The following TRPC1 variants were observed in gnomAD, a reference collection of about 807,000 sequenced individuals.
TRPC1 encodes short transient receptor potential channel 1.
Under a neutral mutation model 88.2 loss-of-function variants are expected in TRPC1, and 42 were observed. The observed-to-expected ratio is 0.48, with a 90% CI of 0.37 to 0.62. The LOEUF (loss-of-function observed/expected upper bound fraction) is 0.62, where lower values mean the gene tolerates loss of function less well. Ranked by LOEUF, TRPC1 falls within the 20% of genes least tolerant of loss-of-function variation. TRPC1 has a pLI of 0.00. For synonymous variants in TRPC1, 288 were observed against 331.8 expected (o/e 0.87, Z 1.43); for missense variants, 699 against 957.3 (o/e 0.73, Z 3.56).
At chr3:142,745,014 A>G (rs1211753145) in intron 3 of TRPC1, among the ~76,000 whole-genome samples, 2 of 152,192 alleles carry the variant, frequency 1.3e-5, no homozygotes, top group Admixed American at 6.5e-5. Context: ...TAAATTGCAT[A>G]CTTTGTTATA....
At chr3:142,763,959 A>AATAAATATATATATATAT (rs1935279602) in intron 4 of TRPC1, among the ~76,000 whole-genome samples, 1 of 76,316 alleles carries the variant, frequency 1.3e-5, no homozygotes, top group Non-Finnish European at 2.5e-5. Flanking sequence ...AAAAAAAAGA[A>AATAAATATATATATATAT]ATATATATAT....
chr3:142,775,595 G>C (rs1175419717), intron 4 of TRPC1, among the ~76,000 whole-genome samples: 3 of 152,032 alleles, frequency 2.0e-5, no homozygotes, highest in African/African-American at 7.3e-5. Context: ...CTCCAGCCTG[G>C]TTAACTGAAT....
chr3:142,780,376 T>A (rs1214521034), intron 5 of TRPC1, among the ~76,000 whole-genome samples: 1 of 152,166 alleles, frequency 6.6e-6, no homozygotes, highest in Non-Finnish European at 1.5e-5. Context: ...AGAAGTAACA[T>A]AAACATATTG....
intron 1 of TRPC1, among the ~76,000 whole-genome samples, chr3:142,726,427 T>C (rs1300168032): frequency 6.6e-6 from 1 of 152,200 alleles, no homozygotes; most frequent in East Asian, 1.9e-4. Context: ...AATACCTTGA[T>C]ATTCTTTGTC....
intron 2 of TRPC1, 61 bp downstream of exon 2, chr3:142,736,594 T>C: frequency 1.5e-6 from 2 of 1,353,374 alleles, no homozygotes; most frequent in Non-Finnish European, 9.8e-7. Context: ...TGCCATGCTT[T>C]CTTCCCTTCT....
Position 142,777,833 on chromosome 3 carries a change from A to G in TRPC1, c.764+70A>G, listed in dbSNP as rs571681742. 1.1e-3 allele frequency: 1,657 copies of G among 1,456,104 alleles called. 29 individuals are homozygous for G. The South Asian group carries it at 0.022, about 20-fold the overall frequency. 90.2% of individuals were successfully genotyped at this position (1,456,104 alleles called of 1,614,324 possible). Reference sequence around the variant, plus strand: ...TCAACCTCAGTTTCTTCATTACCCAAATTATAATTTGTATATATTTACATT... The same window carrying G: ...TCAACCTCAGTTTCTTCATTACCCAGATTATAATTTGTATATATTTACATT... On this transcript the variant is annotated intron_variant, in intron 5 of 12. Coordinates refer to ENST00000476941, the MANE Select transcript of TRPC1 (RefSeq NM_001251845.2).
chr3:142,726,285 A>G (rs370133816), intron 1 of TRPC1, among the ~76,000 whole-genome samples: 1 of 152,214 alleles, frequency 6.6e-6, no homozygotes, highest in Admixed American at 6.5e-5. Flanking sequence ...GAGGACAGAA[A>G]AATATCAGTG....
At chr3:142,741,637 A>C (rs990902019) in intron 2 of TRPC1, among the ~76,000 whole-genome samples, 11 of 152,180 alleles carry the variant, frequency 7.2e-5, no homozygotes, top group African/African-American at 2.7e-4. Context: ...TCTTTTATTC[A>C]GTAAAGATCT....
chr3:142,733,960 G>A (rs1453067614), intron 1 of TRPC1, among the ~76,000 whole-genome samples: 1 of 152,138 alleles, frequency 6.6e-6, no homozygotes, highest in Non-Finnish European at 1.5e-5. Flanking sequence ...AGGTTACAAG[G>A]CCTGGAGACT....
At chr3:142,734,149 A>G (rs969121506) in intron 1 of TRPC1, among the ~76,000 whole-genome samples, 9 of 152,224 alleles carry the variant, frequency 5.9e-5, no homozygotes, top group African/African-American at 2.2e-4. Context: ...GACTCCTTTA[A>G]GAATACATAA....
At chr3:142,740,063 T>G (rs1325485601) in intron 2 of TRPC1, among the ~76,000 whole-genome samples, 1 of 152,194 alleles carries the variant, frequency 6.6e-6, no homozygotes, top group Non-Finnish European at 1.5e-5. Context: ...GGTTGCATGC[T>G]CCTTATGAGA....
intron 4 of TRPC1, among the ~76,000 whole-genome samples, chr3:142,763,983 T>TATATATATATATATATAACAA (rs1441314374): frequency 1.3e-5 from 1 of 74,352 alleles, no homozygotes; most frequent in African/African-American, 6.4e-5. Flanking sequence ...TATATATATA[T>TATATATATATATATATAACAA]ACACATACAT....
At chr3:142,805,921 T>G in intron 12 of TRPC1, 87 bp from the exon 13 acceptor site, 5 of 1,137,434 alleles carry the variant, frequency 4.4e-6, no homozygotes, top group South Asian at 1.6e-5. Context: ...TTTAAAGATG[T>G]GTTTGTGTCT....
intron 4 of TRPC1, among the ~76,000 whole-genome samples, chr3:142,763,985 CACAT>C (rs1470731027): frequency 8.4e-5 from 2 of 23,872 alleles, no homozygotes; most frequent in African/African-American, 6.5e-4. Context: ...TATATATATA[CACAT>C]ACATACATAC....
intron 4 of TRPC1, among the ~76,000 whole-genome samples, chr3:142,750,012 G>A (rs1264080369): frequency 6.6e-6 from 1 of 152,168 alleles, no homozygotes; most frequent in Non-Finnish European, 1.5e-5. Flanking sequence ...ATAGGCATGG[G>A]CAAAGACTTC....
intron 2 of TRPC1, among the ~76,000 whole-genome samples, chr3:142,737,743 A>C (rs1467750080): frequency 6.6e-6 from 1 of 152,192 alleles, no homozygotes; most frequent in Non-Finnish European, 1.5e-5. Context: ...GCTGTATGTT[A>C]GGATGATAAT....
chr3:142,782,066 C>T (rs1029156549), intron 6 of TRPC1, among the ~76,000 whole-genome samples: 1 of 151,548 alleles, frequency 6.6e-6, no homozygotes, highest in Non-Finnish European at 1.5e-5. Context: ...ACATGAAGTC[C>T]TAGAAAATGA....
At chr3:142,778,438 A>G (rs1935855515) in intron 5 of TRPC1, among the ~76,000 whole-genome samples, 1 of 152,130 alleles carries the variant, frequency 6.6e-6, no homozygotes, top group South Asian at 2.1e-4. Context: ...AAGACTTTGT[A>G]ATAGCAGCCT....
In TRPC1 at chr3:142,791,150, C is replaced by T. The variant is rs1017137556; in HGVS notation, c.1429C>T (p.His477Tyr). Reference sequence around the variant, plus strand: ...AACCTTTGCCCTCAAAGTGGTTGCTCACAACAAGGTGACTATTTACTATGT... The same window carrying T: ...AACCTTTGCCCTCAAAGTGGTTGCTTACAACAAGGTGACTATTTACTATGT... ...LATFALKVVA[H>Y]NKFHDFADRK... The change falls in exon 8 of 13, where the codon CAC becomes TAC. Residue 477 changes from histidine to tyrosine, a missense_variant. Physicochemically the swap from His to Tyr is moderately conservative, Grantham distance 83. This residue lies in a region of TRPC1 where 426 missense variants were observed against 641.3 expected (regional missense o/e 0.66). Transcript: ENST00000476941. 4 of 1,600,768 alleles carry T rather than the reference C, an allele frequency of 2.5e-6. No homozygotes were observed. Among genetic ancestry groups the T allele is most frequent in the African/African-American group, 2.7e-5 (2 of 74,038 alleles).
Sources: gnomAD v4.1 joint callset for allele counts (sites outside exome capture counted in the v4.1 genomes callset) on GRCh38, gnomAD v4.1.1 for gene constraint, gnomAD v4.1.1 regional missense constraint, MANE v1.5 for transcripts, NCBI Gene and HGNC (gene_info 2026-07-23, HGNC 2026-07-21) for gene names.